The following PNPLA7 variants were observed in gnomAD, a reference collection of about 807,000 sequenced individuals.
PNPLA7 encodes patatin-like phospholipase domain-containing protein 7.
Under a neutral mutation model 161.7 loss-of-function variants are expected in PNPLA7, and 153 were observed. The observed-to-expected ratio is 0.95, with a 90% CI of 0.83 to 1.08. The LOEUF (loss-of-function observed/expected upper bound fraction) is 1.08, where lower values mean the gene tolerates loss of function less well. Among genes scored for constraint, PNPLA7 ranks in the 50% least tolerant of loss-of-function variants. The pLI is 0.00. For synonymous variants in PNPLA7, 809 were observed against 782.1 expected (o/e 1.03, Z -0.57); for missense variants, 1,739 against 1,856.6 (o/e 0.94, Z 1.16).
chr9:137,484,768 C>A, intron 20 of PNPLA7, 32 bp from the exon 21 acceptor site: 1 of 1,570,386 alleles, frequency 6.4e-7, no homozygotes, highest in African/African-American at 1.3e-5. Context: ...TCAGCTGGGA[C>A]AGCCCACACG....
rs570570313 is a variant in PNPLA7 at position 137,476,650 on chromosome 9, G to A, written c.2882+1384C>T. Among the ~76,000 whole-genome samples, 2 of 152,274 alleles carry A rather than the reference G, an allele frequency of 1.3e-5. No homozygotes were observed. Among genetic ancestry groups the A allele is most frequent in the African/African-American group, 4.8e-5 (2 of 41,564 alleles). On this transcript the variant is annotated intron_variant, in intron 25 of 34. Transcript: ENST00000406427. This position sits in a 1 kb window ranked among gnomAD's most constrained non-coding sequence, Gnocchi z 4.5. ...AAGGAAGGCAAAGGACTGCAGTTAC[G>A]TGCCTTACAGAACCGTATGGCTTCT...
intron 8 of PNPLA7, among the ~76,000 whole-genome samples, chr9:137,532,088 G>T (rs78788233): frequency 0.012 from 1,851 of 152,286 alleles, 24 homozygotes; most frequent in Non-Finnish European, 0.019. Context: ...CGTATCTGCG[G>T]TATTTTGTAA....
intron 11 of PNPLA7, among the ~76,000 whole-genome samples, chr9:137,518,805 T>C (rs1342780549): frequency 2.0e-5 from 1 of 49,874 alleles, no homozygotes; most frequent in African/African-American, 1.1e-4. Flanking sequence ...CTCCACTCTG[T>C]CCACTCCATC....
chr9:137,544,081 C>T (rs531655557), intron 4 of PNPLA7, among the ~76,000 whole-genome samples: 1 of 152,332 alleles, frequency 6.6e-6, no homozygotes, highest in Admixed American at 6.5e-5. Flanking sequence ...GCCTGCTGGC[C>T]CCGCTGCCCC....
In PNPLA7 at chr9:137,460,144, T is replaced by C. The variant is rs1317848574; in HGVS notation, c.*249A>G. ...GGGGGCCTCACAGGGCTGCAGGGGG[T>C]TCACAGAGCTTCAGGGGCCTCACAG... On this transcript the variant is annotated 3_prime_UTR_variant, in exon 35 of 35. Transcript: ENST00000406427. 9.9e-6 allele frequency: 4 copies of C among 405,338 alleles called. No homozygotes were observed. The highest frequency in any genetic ancestry group is 1.4e-5 in the Non-Finnish European group (3 of 218,706). 25.1% of individuals were successfully genotyped at this position (405,338 alleles called of 1,614,324 possible). A position where few individuals can be genotyped will look rare whatever the true frequency, so the allele number is the denominator to read the frequency against.
Position 137,540,918 on chromosome 9 carries a change from C to T in PNPLA7, c.667-196G>A, listed in dbSNP as rs1045972036. ...CATCAGGGGTACAACACACAGGAAG[C>T]GGCAGCAAGGAAAACAGACGGAGGA... is the stretch of plus-strand genomic sequence containing the variant. On this transcript the variant is annotated intron_variant, in intron 7 of 34. Coordinates refer to ENST00000406427, the MANE Select transcript of PNPLA7 (RefSeq NM_001098537.3). This position sits in a 1 kb window ranked among gnomAD's most constrained non-coding sequence, Gnocchi z 5.1. The T allele has an allele frequency of 5.4e-6, 3 of 554,610 alleles. No individual in the cohort carries two copies. The highest frequency in any genetic ancestry group is 9.8e-6 in the Non-Finnish European group (3 of 305,712). The allele number at this position is 554,610 out of a possible 1,614,324, so 34.4% of individuals were successfully genotyped here.
chr9:137,530,117 A>T (rs1355366222), intron 8 of PNPLA7, among the ~76,000 whole-genome samples: 1 of 151,852 alleles, frequency 6.6e-6, no homozygotes, highest in East Asian at 1.9e-4. Flanking sequence ...GGTGCGCGCC[A>T]CCACACCCAG....
chr9:137,500,847 C>T lies in PNPLA7; in HGVS notation c.1601G>A (p.Arg534Gln), dbSNP rs766803568. The stretch of plus-strand genomic sequence containing the variant: ...GGTGTCCTCCTGGCTGCCGATCTTC[C>T]GCTGGTACACGTGCAGCAGCCCCGA... The part of the protein sequence containing the change: ...VVSGLLHVYQ[R>Q]KIGSQEDTCL... Residue 534 changes from arginine to glutamine, a missense_variant, in exon 16 of 35, where the codon CGG becomes CAG. Physicochemically the swap from Arg to Gln is conservative, Grantham distance 43. Transcript: ENST00000406427. This position sits in a 1 kb window ranked among gnomAD's most constrained non-coding sequence, Gnocchi z 5.5. 5.6e-5 allele frequency: 89 copies of T among 1,595,810 alleles called. No individual in the cohort carries two copies. In the South Asian group the frequency reaches 7.1e-4, roughly 13 times the overall value.
In PNPLA7 at chr9:137,480,400, G is replaced by C; in HGVS notation, c.2492C>G (p.Thr831Arg). 1 of 1,613,518 alleles carries C rather than the reference G, an allele frequency of 6.2e-7. No individual in the cohort carries two copies. The highest frequency in any genetic ancestry group is 1.1e-5 in the South Asian group (1 of 91,062). Residue 831 changes from threonine (T) to arginine (R), a missense_variant, in exon 23 of 35, where the codon ACG becomes AGG. Thr to Arg is a moderately conservative substitution (Grantham distance 71). This residue lies in a region of PNPLA7 where 192 missense variants were observed against 249.5 expected (regional missense o/e 0.77). Transcript: ENST00000406427. ...GCAGCGCTGGGTCCAGGGTGTGAGC[G>C]TGCCATCTGCCTGGTAGAGCACGAT... The part of the protein sequence containing the change: ...HRIVLYQADG[T>R]LTPWTQRCVR...
At chr9:137,510,888 G>C (rs1834188987) in intron 12 of PNPLA7, among the ~76,000 whole-genome samples, 1 of 152,210 alleles carries the variant, frequency 6.6e-6, no homozygotes, top group Non-Finnish European at 1.5e-5. Context: ...AAAATAGTTA[G>C]GATAAGAGAA....
In PNPLA7 at chr9:137,467,595, G is replaced by A. The variant is rs1288658923; in HGVS notation, c.2883-122C>T. 1.5e-5 allele frequency: 20 copies of A among 1,304,884 alleles called. No individual in the cohort carries two copies. The highest frequency in any genetic ancestry group is 2.4e-5 in the Admixed American group (1 of 41,188). The allele number at this position is 1,304,884 out of a possible 1,614,324, so 80.8% of individuals were successfully genotyped here. A position where few individuals can be genotyped will look rare whatever the true frequency, so the allele number is the denominator to read the frequency against. On this transcript the variant is annotated intron_variant, in intron 25 of 34. Transcript: ENST00000406427. This position sits in a 1 kb window ranked among gnomAD's most constrained non-coding sequence, Gnocchi z 5.1. Reference sequence around the variant, plus strand: ...CAGGCAGAGACGCTGACGCAGAGAGGGACTCCAGATGCAGTTTAAAACCCC... The same window carrying A: ...CAGGCAGAGACGCTGACGCAGAGAGAGACTCCAGATGCAGTTTAAAACCCC...
At chr9:137,492,556 G>A (rs1832821854) in intron 20 of PNPLA7, among the ~76,000 whole-genome samples, 1 of 95,886 alleles carries the variant, frequency 1.0e-5, no homozygotes, top group South Asian at 4.2e-4. Context: ...CGGGTGGGTG[G>A]CCGGGGCTCC....
At position 137,488,252 on chromosome 9, in the gene PNPLA7, G is replaced by A. The variant is rs528811375; in HGVS notation, c.2198-3516C>T. Among the ~76,000 whole-genome samples, 12 of 152,160 alleles carry A rather than the reference G, an allele frequency of 7.9e-5. No homozygotes were observed. The South Asian group carries it at 1.3e-3, about 16-fold the overall frequency. ...TCTCGTCCCGAGCTTCGGCCCGAAC[G>A]TGGCTCTCTGATGTGGATTTATTTT... On this transcript the variant is annotated intron_variant, in intron 20 of 34. Coordinates refer to ENST00000406427, the MANE Select transcript of PNPLA7 (RefSeq NM_001098537.3).
chr9:137,484,757 G>A (rs368567942), intron 20 of PNPLA7, 21 bp from the exon 21 acceptor site: 66 of 1,589,132 alleles, frequency 4.2e-5, no homozygotes, highest in African/African-American at 8.1e-5. Context: ...AAGGACCCAC[G>A]TCAGCTGGGA....
rs967339906 is a variant in PNPLA7, at chr9:137,502,793, G to A, written c.1474-1066C>T. On this transcript the variant is annotated intron_variant, in intron 14 of 34. Coordinates refer to ENST00000406427, the MANE Select transcript of PNPLA7 (RefSeq NM_001098537.3). ...ATGGACGAGGCCGCTGGACAGGGGG[G>A]CACTGAACGCACGGCTGAAGTCATT... 6.0e-5 allele frequency among the ~76,000 whole-genome samples: 8 copies of A among 134,420 alleles called. No individual in the cohort carries two copies. The East Asian group carries it at 1.4e-3, about 23-fold the overall frequency. The allele number at this position is 134,420 out of a possible 152,430, so 88.2% of individuals were successfully genotyped here. A position where few individuals can be genotyped will look rare whatever the true frequency, so the allele number is the denominator to read the frequency against.
chr9:137,464,413 G>C lies in PNPLA7; in HGVS notation c.3083C>G (p.Pro1028Arg). ...GGCTCCGGAGAACATGGACGTGATG[G>C]GGTAGGTGAGGTCCAGCGCGGCCTT... is the stretch of plus-strand genomic sequence containing the variant. ...LMKAALDLTY[P>R]ITSMFSGAGF... Residue 1028 changes from proline to arginine, a missense_variant, in exon 27 of 35, where the codon CCC (proline) becomes CGC (arginine). This residue lies in a region of PNPLA7 where 703 missense variants were observed against 694.6 expected (regional missense o/e 1.01). Coordinates refer to ENST00000406427, the MANE Select transcript of PNPLA7 (RefSeq NM_001098537.3). 3 of 1,613,992 alleles carry C rather than the reference G, an allele frequency of 1.9e-6. No individual in the cohort carries two copies. The highest frequency in any genetic ancestry group is 2.5e-6 in the Non-Finnish European group (3 of 1,180,002).
At chr9:137,533,880 GA>G (rs1835733682) in intron 8 of PNPLA7, among the ~76,000 whole-genome samples, 1 of 143,074 alleles carries the variant, frequency 7.0e-6, no homozygotes, top group Non-Finnish European at 1.5e-5. Context: ...AGCACTCCCA[GA>G]CTCCTCAGTG....
chr9:137,477,415 G>A (rs2132126690), intron 25 of PNPLA7, among the ~76,000 whole-genome samples: 1 of 152,214 alleles, frequency 6.6e-6, no homozygotes, highest in South Asian at 2.1e-4. Flanking sequence ...AAGAGCAGAG[G>A]TTTCAGAGGA....
chr9:137,461,919 G>C lies in PNPLA7; in HGVS notation c.3756+12C>G, dbSNP rs1429607437. ...CCGGGGAGCTGGGCGTGGTCCGGAC[G>C]CCCGTACTCACCGCACTCGCGGGCT... On this transcript the variant is annotated intron_variant, in intron 32 of 34. Transcript: ENST00000406427. 6.5e-7 allele frequency: 1 copy of C among 1,549,706 alleles called. No individual in the cohort carries two copies.
Sources: gnomAD v4.1 joint callset for allele counts (sites outside exome capture counted in the v4.1 genomes callset) on GRCh38, gnomAD v4.1.1 for gene constraint, gnomAD v4.1.1 regional missense constraint, Gnocchi (gnomAD v3.1) non-coding constraint, MANE v1.5 for transcripts, NCBI Gene and HGNC (gene_info 2026-07-23, HGNC 2026-07-21) for gene names.